Variants in SNTG1 observed in about 807,000 individuals in gnomAD.
SNTG1 encodes syntrophin gamma 1, also known as gamma-1-syntrophin.
SNTG1 carries 39 observed loss-of-function variants against 74.7 expected under a neutral mutation model. The ratio of observed to expected loss-of-function variants is 0.52; its 90% CI spans 0.40 to 0.68. SNTG1 has a LOEUF of 0.68. Among genes scored for constraint, SNTG1 ranks in the 30% least tolerant of loss-of-function variants. The pLI is 0.00. For missense variants in SNTG1, 685 were observed against 609.5 expected (o/e 1.12, Z -1.30); for synonymous variants, 254 against 217.1 (o/e 1.17, Z -1.49).
chr8:50,734,248 T>C (rs2095519916), intron 17 of SNTG1, among the ~76,000 whole-genome samples: 2 of 151,768 alleles, frequency 1.3e-5, no homozygotes, highest in East Asian at 3.9e-4. Flanking sequence ...CATTTATTTA[T>C]ACAGAGACTA....
At chr8:50,365,966 C>G (rs776101302) in intron 2 of SNTG1, among the ~76,000 whole-genome samples, 7 of 152,172 alleles carry the variant, frequency 4.6e-5, no homozygotes, top group Non-Finnish European at 8.8e-5. Flanking sequence ...CCATTTCCTA[C>G]TTTTCTAAAA....
intron 2 of SNTG1, among the ~76,000 whole-genome samples, chr8:50,248,394 C>T (rs895265907): frequency 6.6e-6 from 1 of 152,152 alleles, no homozygotes; most frequent in African/African-American, 2.4e-5. Context: ...AAACTCAATT[C>T]CCCCAAGGAC....
At chr8:50,064,094 T>G (rs1489266901) in intron 1 of SNTG1, among the ~76,000 whole-genome samples, 1 of 152,236 alleles carries the variant, frequency 6.6e-6, no homozygotes, top group East Asian at 1.9e-4. Flanking sequence ...GGGGCTATTA[T>G]AAGATTAAAT....
At chr8:50,151,502 A>T (rs184221059) in intron 1 of SNTG1, among the ~76,000 whole-genome samples, 20 of 152,084 alleles carry the variant, frequency 1.3e-4, no homozygotes, top group Admixed American at 1.2e-3. Flanking sequence ...TTGTGATGTT[A>T]GGGTGTCAAT....
At chr8:50,007,752 A>G (rs1009150329) in intron 1 of SNTG1, among the ~76,000 whole-genome samples, 3 of 152,116 alleles carry the variant, frequency 2.0e-5, no homozygotes, top group African/African-American at 7.2e-5. Context: ...AATTTAGAGG[A>G]AAGAGAATGT....
chr8:50,305,945 G>C (rs1165944086), intron 2 of SNTG1, among the ~76,000 whole-genome samples: 1 of 150,982 alleles, frequency 6.6e-6, no homozygotes, highest in African/African-American at 2.4e-5. Flanking sequence ...GGGTACAAAG[G>C]GTTTTCGGTT....
chr8:50,716,014 T>C (rs1047107268), intron 17 of SNTG1, among the ~76,000 whole-genome samples: 2 of 152,182 alleles, frequency 1.3e-5, no homozygotes, highest in African/African-American at 4.8e-5. Flanking sequence ...TAAAAATCTT[T>C]GATATGGCTT....
At chr8:50,158,253 T>G (rs1563674165) in intron 1 of SNTG1, among the ~76,000 whole-genome samples, 1 of 152,178 alleles carries the variant, frequency 6.6e-6, no homozygotes, top group Admixed American at 6.5e-5. Context: ...TTTTAGAAAA[T>G]TCTTGAATTT....
At position 50,405,631 on chromosome 8, in the gene SNTG1, A is replaced by G. The variant is rs116514377; in HGVS notation, c.162+3287A>G. Among the ~76,000 whole-genome samples the G allele has an allele frequency of 2.5e-3, 380 of 152,214 alleles. 3 individuals carry two copies. Among genetic ancestry groups the G allele is most frequent in the African/African-American group, 8.8e-3 (367 of 41,570 alleles). On this transcript the variant is annotated intron_variant, in intron 4 of 18. Coordinates refer to ENST00000642720, the MANE Select transcript of SNTG1 (RefSeq NM_018967.5). ...TACTCTATTAGTATTTTTGATGCACAAAAGTTTTTAATTTTAATAAAATCC... is the reference window on the plus strand; with the variant it reads ...TACTCTATTAGTATTTTTGATGCACGAAAGTTTTTAATTTTAATAAAATCC...
chr8:50,348,540 A>C (rs2091553046), intron 2 of SNTG1, among the ~76,000 whole-genome samples: 1 of 152,210 alleles, frequency 6.6e-6, no homozygotes, highest in East Asian at 1.9e-4. Context: ...TGGTCACCGC[A>C]AGGAGTAAGG....
Position 50,795,884 on chromosome 8 carries a change from A to T in SNTG1, c.*3055A>T, listed in dbSNP as rs556353084. The T allele has an allele frequency of 2.5e-4, 38 of 152,172 alleles. No homozygotes were observed. The highest frequency in any genetic ancestry group is 2.2e-3 in the Admixed American group (34 of 15,248). 9.4% of individuals were successfully genotyped at this position (152,172 alleles called of 1,614,324 possible). A position where few individuals can be genotyped will look rare whatever the true frequency, so the allele number is the denominator to read the frequency against. ...ACTTATCCAGCTTTTTTAAAATGGG[A>T]GGATAATCAGGTAATTATTTCTTGC... is the stretch of plus-strand genomic sequence containing the variant. On this transcript the variant is annotated 3_prime_UTR_variant, in exon 19 of 19. Transcript: ENST00000642720.
intron 4 of SNTG1, among the ~76,000 whole-genome samples, chr8:50,417,259 TTGAATTTTCTACTAGTTA>T (rs1471446291): frequency 6.6e-6 from 1 of 152,134 alleles, no homozygotes; most frequent in East Asian, 1.9e-4. Flanking sequence ...TTGACACTCC[TTGAATTTTCTACTAGTTA>T]TGAAGCACGT....
intron 2 of SNTG1, among the ~76,000 whole-genome samples, chr8:50,270,917 G>A (rs1031153881): frequency 5.3e-5 from 8 of 152,148 alleles, no homozygotes; most frequent in East Asian, 1.9e-4. Flanking sequence ...AGCTGTTTGC[G>A]ATGCCTTTGG....
At chr8:49,961,509 A>G (rs1810681175) in intron 1 of SNTG1, among the ~76,000 whole-genome samples, 1 of 152,206 alleles carries the variant, frequency 6.6e-6, no homozygotes. Flanking sequence ...AAAATTTTCA[A>G]TATTGTCTTT....
At chr8:50,744,724 G>A (rs2131675608) in intron 17 of SNTG1, among the ~76,000 whole-genome samples, 2 of 152,038 alleles carry the variant, frequency 1.3e-5, no homozygotes, top group South Asian at 4.1e-4. Flanking sequence ...GAATAGAATA[G>A]AGATCACAGA....
chr8:50,140,660 A>G (rs1451017704), intron 1 of SNTG1, among the ~76,000 whole-genome samples: 1 of 152,044 alleles, frequency 6.6e-6, no homozygotes. Flanking sequence ...CATACATAAT[A>G]CAAACTCCCC....
chr8:50,176,680 G>A (rs1376725396), intron 2 of SNTG1, among the ~76,000 whole-genome samples: 1 of 152,126 alleles, frequency 6.6e-6, no homozygotes, highest in Non-Finnish European at 1.5e-5. Flanking sequence ...TGTGATCTCA[G>A]GATTAACTGG....
chr8:50,358,607 T>C (rs1202010323), intron 2 of SNTG1, among the ~76,000 whole-genome samples: 1 of 152,150 alleles, frequency 6.6e-6, no homozygotes, highest in Non-Finnish European at 1.5e-5. Flanking sequence ...CATAACAATT[T>C]CATTTCAAGA....
At chr8:50,736,138 G>GA in intron 17 of SNTG1, among the ~76,000 whole-genome samples, 1 of 151,840 alleles carries the variant, frequency 6.6e-6, no homozygotes, top group South Asian at 2.1e-4. Context: ...ATATGGAAAG[G>GA]AAAAAACAGT....
Sources: allele counts gnomAD v4.1 joint callset (sites outside exome capture counted in the v4.1 genomes callset), GRCh38; gene constraint gnomAD v4.1.1; transcripts MANE v1.5; gene names NCBI Gene and HGNC (gene_info 2026-07-23, HGNC 2026-07-21).